SHROOM4: variants seen among roughly 807,000 people sequenced by gnomAD.
SHROOM4 encodes protein Shroom4.
In SHROOM4, 17 loss-of-function variants were observed where a neutral mutation model predicts 80.3. That is an observed-to-expected ratio of 0.21 (90% CI 0.14 to 0.32). The LOEUF (loss-of-function observed/expected upper bound fraction) is 0.32. SHROOM4 is among the 10% of genes least tolerant of loss of function. SHROOM4 has a pLI of 1.00. For missense variants in SHROOM4, 993 were observed against 1,140.3 expected, an observed-to-expected ratio of 0.87 and a Z score of 1.86; for synonymous variants, 400 against 437.5, an observed-to-expected ratio of 0.91 and a Z score of 1.07.
chrX:50,725,050 T>C (rs1602464997), intron 1 of SHROOM4, among the ~76,000 whole-genome samples: 1 of 111,977 alleles, frequency 8.9e-6, no homozygotes, highest in East Asian at 2.8e-4. Context: ...TAGGAGTCAG[T>C]GGCATTTGAT....
At chrX:50,632,115 C>T (rs1931097911) in intron 4 of SHROOM4, among the ~76,000 whole-genome samples, 1 of 111,295 alleles carries the variant, frequency 9.0e-6, no homozygotes, top group African/African-American at 3.3e-5. Context: ...TGTCACCACC[C>T]CACAAGTTCC....
rs565171327 is a variant in SHROOM4 at position 50,683,566 on chromosome X, A to G, written c.269+12220T>C. Among the ~76,000 whole-genome samples the G allele has an allele frequency of 2.7e-5, 3 of 111,670 alleles. No homozygotes were observed. In the South Asian group the frequency reaches 1.1e-3, roughly 42 times the overall value. On this transcript the variant is annotated intron_variant, in intron 2 of 8. Transcript: ENST00000376020. Reference sequence around the variant, plus strand: ...GAAGTTTGAGAAATTTTCAGCATATATAAAATGGCCAAGACTTGCTCAATT... The same window carrying G: ...GAAGTTTGAGAAATTTTCAGCATATGTAAAATGGCCAAGACTTGCTCAATT...
chrX:50,726,062 G>A (rs1934236791), intron 1 of SHROOM4, among the ~76,000 whole-genome samples: 2 of 111,936 alleles, frequency 1.8e-5, no homozygotes, highest in Non-Finnish European at 3.8e-5. Flanking sequence ...ATTGGGAACT[G>A]GAGCAAAGGT....
At chrX:50,624,498 C>A (rs1444271474) in intron 5 of SHROOM4, among the ~76,000 whole-genome samples, 1 of 111,521 alleles carries the variant, frequency 9.0e-6, no homozygotes, top group Admixed American at 9.5e-5. Context: ...ACAACATATC[C>A]CAATTCAAAC....
chrX:50,796,519 CGGAGGTGGAAGGAAT>C (rs1569549185), intron 1 of SHROOM4, among the ~76,000 whole-genome samples: 4 of 110,961 alleles, frequency 3.6e-5, no homozygotes, highest in Non-Finnish European at 7.6e-5. Flanking sequence ...TCTAGAATGT[CGGAGGTGGAAGGAAT>C]GGTAGGGCTA....
At chrX:50,624,218 T>C (rs1930703068) in intron 5 of SHROOM4, among the ~76,000 whole-genome samples, 1 of 112,085 alleles carries the variant, frequency 8.9e-6, no homozygotes, top group East Asian at 2.8e-4. Context: ...TTCTTCTCTG[T>C]GCTCCCCCCT....
intron 1 of SHROOM4, among the ~76,000 whole-genome samples, chrX:50,788,443 A>G (rs1935789330): frequency 9.1e-6 from 1 of 110,476 alleles, no homozygotes; most frequent in African/African-American, 3.3e-5. Flanking sequence ...CGTCTCTACT[A>G]AAAAATACAA....
chrX:50,765,772 G>T (rs1935261946), intron 1 of SHROOM4, among the ~76,000 whole-genome samples: 1 of 111,717 alleles, frequency 9.0e-6, no homozygotes, highest in African/African-American at 3.3e-5. Context: ...AACTGGCCGA[G>T]AAATCTATGC....
intron 1 of SHROOM4, among the ~76,000 whole-genome samples, chrX:50,805,347 G>A (rs906633361): frequency 1.8e-5 from 2 of 111,534 alleles, no homozygotes; most frequent in African/African-American, 6.5e-5. Flanking sequence ...CCCTGCCAGA[G>A]GCTCAGGAAA....
chrX:50,745,481 T>C (rs1348354664), intron 1 of SHROOM4, among the ~76,000 whole-genome samples: 7 of 107,928 alleles, frequency 6.5e-5, no homozygotes, highest in Non-Finnish European at 1.2e-4. Flanking sequence ...GACTTGGGAG[T>C]GGGGAAATAG....
At chrX:50,689,419 T>C (rs186377914) in intron 2 of SHROOM4, among the ~76,000 whole-genome samples, 23 of 112,175 alleles carry the variant, frequency 2.1e-4, no homozygotes, top group Admixed American at 1.4e-3. Flanking sequence ...TTCAATTGTA[T>C]CTTGCCTTTT....
At chrX:50,689,465 C>T (rs1017776458) in intron 2 of SHROOM4, among the ~76,000 whole-genome samples, 4 of 111,979 alleles carry the variant, frequency 3.6e-5, no homozygotes, top group Admixed American at 1.9e-4. Context: ...TAAGACTTTA[C>T]CCACATCATC....
Position 50,591,941 on chromosome X carries a change from T to A in SHROOM4, c.*4754A>T. The A allele has an allele frequency of 3.0e-6, 1 of 328,956 alleles. No individual in the cohort carries two copies. Among genetic ancestry groups the A allele is most frequent in the South Asian group, 2.6e-5 (1 of 38,421 alleles). 27.1% of individuals were successfully genotyped at this position (328,956 alleles called of 1,213,427 possible). A position where few individuals can be genotyped will look rare whatever the true frequency, so the allele number is the denominator to read the frequency against. ...ACCGTGTTAGCCAGGATGGTCTTGA[T>A]CTCCTGACCTCGTGATCCACCTGCC... On this transcript the variant is annotated 3_prime_UTR_variant, in exon 9 of 9. Transcript: ENST00000376020.
intron 1 of SHROOM4, among the ~76,000 whole-genome samples, chrX:50,795,051 GATATATATATGATAT>G (rs1935940842): frequency 4.0e-4 from 1 of 2,516 alleles, no homozygotes; most frequent in African/African-American, 4.6e-4. Flanking sequence ...ATATATATAT[GATATATATATGATAT>G]ATATATATGA....
intron 2 of SHROOM4, among the ~76,000 whole-genome samples, chrX:50,643,846 C>T (rs1356479785): frequency 8.9e-6 from 1 of 112,510 alleles, no homozygotes; most frequent in Admixed American, 9.4e-5. Flanking sequence ...AAAGATAAAG[C>T]GGGTGTCTAA....
In SHROOM4 at chrX:50,614,653, G is replaced by A. The variant is rs914581540; in HGVS notation, c.2958-6469C>T. Among the ~76,000 whole-genome samples the A allele has an allele frequency of 2.7e-5, 3 of 112,238 alleles. No homozygotes were observed. The East Asian group carries it at 8.3e-4, about 31-fold the overall frequency. ...TGAAATTAGCATAACTCCTAGGGAG[G>A]GCAATTTGGAAGGCAAAGAAGGTAA... On this transcript the variant is annotated intron_variant, in intron 5 of 8. Coordinates refer to ENST00000376020, the MANE Select transcript of SHROOM4 (RefSeq NM_020717.5).
intron 1 of SHROOM4, among the ~76,000 whole-genome samples, chrX:50,746,691 G>A (rs1557267624): frequency 8.9e-6 from 1 of 112,073 alleles, no homozygotes; most frequent in Non-Finnish European, 1.9e-5. Flanking sequence ...CACTGTCTTT[G>A]CTTAGGTACC....
chrX:50,719,561 C>T (rs1018772830), intron 1 of SHROOM4, among the ~76,000 whole-genome samples: 1 of 111,874 alleles, frequency 8.9e-6, no homozygotes, highest in Non-Finnish European at 1.9e-5. Flanking sequence ...TGTGTTAGTG[C>T]TTTATGCTCT....
In SHROOM4 at chrX:50,634,291, A is replaced by G. The variant is rs781831915; in HGVS notation, c.1782T>C (p.Asn594=). 5.0e-6 allele frequency: 6 copies of G among 1,210,851 alleles called. No homozygotes were observed. The East Asian group carries it at 1.8e-4, about 36-fold the overall frequency. ...KSERFATNLR[N]EIQRRKAQLQ... ...GCTGGGCCTTCCTCCTCTGAATTTC[A>G]TTACGCAGATTGGTAGCAAAACGCT... Residue 594 remains asparagine (N), a synonymous_variant, in exon 4 of 9, where the codon AAT becomes AAC. Coordinates refer to ENST00000376020, the MANE Select transcript of SHROOM4 (RefSeq NM_020717.5).
Sources: gnomAD v4.1 joint callset for allele counts (sites outside exome capture counted in the v4.1 genomes callset) on GRCh38, gnomAD v4.1.1 for gene constraint, MANE v1.5 for transcripts, NCBI Gene and HGNC (gene_info 2026-07-23, HGNC 2026-07-21) for gene names.